Variants in EFHB observed in about 807,000 individuals in gnomAD.
EFHB encodes EF-hand domain-containing family member B.
A neutral mutation model predicts 87.2 loss-of-function variants in EFHB; 91 were observed. The ratio of observed to expected loss-of-function variants is 1.04; its 90% CI spans 0.88 to 1.24. The LOEUF (loss-of-function observed/expected upper bound fraction) is 1.24, where lower values mean the gene tolerates loss of function less well. EFHB is among the 50% of genes most tolerant of loss of function. The pLI, the probability that EFHB is intolerant of heterozygous loss-of-function variation, is 0.00. For synonymous variants in EFHB, 325 were observed against 333.6 expected, an observed-to-expected ratio of 0.97 and a Z score of 0.28; for missense variants, 1,084 against 998.8, an observed-to-expected ratio of 1.09 and a Z score of -1.15.
chr3:19,940,640 T>C (rs1696135241), intron 1 of EFHB: 2 of 399,116 alleles, frequency 5.0e-6, no homozygotes, highest in South Asian at 1.9e-5. Context: ...ACACATTTAA[T>C]GTCTTTCTTG....
chr3:19,946,375 A>G (rs1406299338), intron 1 of EFHB: 1 of 152,296 alleles, frequency 6.6e-6, no homozygotes, highest in Non-Finnish European at 1.5e-5. Flanking sequence ...ACAGACGATT[A>G]ACAAGTTAGT....
At chr3:19,926,932 T>C (rs1695652300) in intron 1 of EFHB, among the ~76,000 whole-genome samples, 1 of 152,146 alleles carries the variant, frequency 6.6e-6, no homozygotes, top group South Asian at 2.1e-4. Context: ...AGTGCTGGGA[T>C]TACAGGCATG....
intron 12 of EFHB, among the ~76,000 whole-genome samples, chr3:19,880,386 ATT>A (rs1474441138): frequency 5.9e-5 from 9 of 151,914 alleles, no homozygotes; most frequent in African/African-American, 2.2e-4. Flanking sequence ...AGTAGCTGGG[ATT>A]ACAGGTGTGT....
chr3:19,885,164 G>A (rs909498554), intron 10 of EFHB, among the ~76,000 whole-genome samples: 2 of 151,512 alleles, frequency 1.3e-5, no homozygotes, highest in Non-Finnish European at 2.9e-5. Context: ...AATGGTTGCA[G>A]TGAGCCGAGA....
At chr3:19,898,692 G>A (rs1694564439) in intron 8 of EFHB, 86 bp downstream of exon 8, 2 of 1,251,646 alleles carry the variant, frequency 1.6e-6, no homozygotes, top group Non-Finnish European at 1.2e-6. Context: ...TTGAAATAAG[G>A]AGATGGTGAG....
chr3:19,911,368 C>A lies in EFHB; in HGVS notation c.1288+3935G>T, dbSNP rs190857401. 4.6e-3 allele frequency among the ~76,000 whole-genome samples: 698 copies of A among 152,020 alleles called. 19 individuals are homozygous for A. The highest frequency in any genetic ancestry group is 0.039 in the Admixed American group (589 of 15,274). ...CTTAAGGCCAGGAGTTCAAGACCAG[C>A]CTGGCCAACATGGTGAAACCCCATC... On this transcript the variant is annotated intron_variant, in intron 5 of 12. Coordinates refer to ENST00000295824, the MANE Select transcript of EFHB (RefSeq NM_144715.4).
chr3:19,939,446 G>A (rs187285242), intron 1 of EFHB, among the ~76,000 whole-genome samples: 2,357 of 134,032 alleles, frequency 0.018, 39 homozygotes, highest in Non-Finnish European at 0.029. Flanking sequence ...GTGCAGTGGC[G>A]CGATCTTGGC....
chr3:19,938,948 C>T (rs771137477), upstream of EFHB, among the ~76,000 whole-genome samples: 1 of 152,086 alleles, frequency 6.6e-6, no homozygotes, highest in African/African-American at 2.4e-5. Flanking sequence ...ACTCTGTCAC[C>T]CAGGCTGCAG....
intron 1 of EFHB, among the ~76,000 whole-genome samples, chr3:19,923,372 T>C (rs1217032325): frequency 6.6e-6 from 1 of 152,196 alleles, no homozygotes; most frequent in Non-Finnish European, 1.5e-5. Context: ...TTGTTTTGTT[T>C]TTGAGACAGG....
At chr3:19,914,904 A>C (rs1370334705) in intron 5 of EFHB, among the ~76,000 whole-genome samples, 1 of 152,078 alleles carries the variant, frequency 6.6e-6, no homozygotes, top group Non-Finnish European at 1.5e-5. Context: ...AGCGTGGACA[A>C]CATAGGAAGA....
At chr3:19,927,070 C>G (rs950538491) in intron 1 of EFHB, among the ~76,000 whole-genome samples, 4 of 152,198 alleles carry the variant, frequency 2.6e-5, no homozygotes, top group African/African-American at 9.7e-5. Context: ...TTATCATGGA[C>G]ACTATAATTT....
intron 3 of EFHB, among the ~76,000 whole-genome samples, 158 bp downstream of exon 3, chr3:19,919,675 T>C (rs553869702): frequency 2.6e-5 from 4 of 152,304 alleles, no homozygotes; most frequent in South Asian, 4.1e-4. Flanking sequence ...TTTTTTTTAC[T>C]GCTCAAGATA....
chr3:19,924,215 T>C (rs1695537406), intron 1 of EFHB, among the ~76,000 whole-genome samples: 1 of 150,596 alleles, frequency 6.6e-6, no homozygotes, highest in Non-Finnish European at 1.5e-5. Context: ...TCTCTCTCTC[T>C]CTTTTTTTTT....
Position 19,879,639 on chromosome 3 carries a change from G to A in EFHB, c.2494C>T (p.Leu832Phe). The change falls in exon 13 of 13, where the codon CTC becomes TTC. Residue 832 changes from leucine (L) to phenylalanine (F), a missense_variant. Leu to Phe is a conservative substitution (Grantham distance 22). Coordinates refer to ENST00000295824, the MANE Select transcript of EFHB (RefSeq NM_144715.4). ...AATGAAGTCCAAAAATATCACATGA[G>A]TGTTTTACACTTGATCCGGTCTGCA... ...RHADRIKCKT[L>F]M is the part of the protein sequence containing the mutation. 2 of 1,566,528 alleles carry A rather than the reference G, an allele frequency of 1.3e-6. No homozygotes were observed. The highest frequency in any genetic ancestry group is 1.7e-6 in the Non-Finnish European group (2 of 1,159,522).
At chr3:19,935,738 G>A (rs554104437), upstream of EFHB, among the ~76,000 whole-genome samples, 22 of 151,580 alleles carry the variant, frequency 1.5e-4, no homozygotes, top group South Asian at 2.9e-3. Flanking sequence ...ATGGCCGGGC[G>A]CAGTGGCTCA....
At chr3:19,944,107 G>A (rs555777977) in intron 1 of EFHB, among the ~76,000 whole-genome samples, 31 of 152,242 alleles carry the variant, frequency 2.0e-4, no homozygotes, top group African/African-American at 6.3e-4. Flanking sequence ...TTGCTACTAC[G>A]CCAATGTTAG....
At chr3:19,909,034 GC>G (rs1172550207) in intron 5 of EFHB, among the ~76,000 whole-genome samples, 1 of 99,622 alleles carries the variant, frequency 1.0e-5, no homozygotes, top group Non-Finnish European at 1.9e-5. Context: ...ACCCACACCC[GC>G]CCCCCACCCC....
intron 5 of EFHB, among the ~76,000 whole-genome samples, chr3:19,910,106 C>T (rs1018135424): frequency 6.6e-6 from 1 of 151,926 alleles, no homozygotes; most frequent in Non-Finnish European, 1.5e-5. Context: ...TTGTCCTACA[C>T]CTTGGGTACC....
chr3:19,939,426 C>A (rs1452650464), intron 1 of EFHB, among the ~76,000 whole-genome samples: 1 of 129,028 alleles, frequency 7.8e-6, no homozygotes, highest in Non-Finnish European at 1.6e-5. Context: ...TCTGTCGCGC[C>A]CAGGCTGGAG....
Sources: allele counts gnomAD v4.1 joint callset (sites outside exome capture counted in the v4.1 genomes callset), GRCh38; gene constraint gnomAD v4.1.1; transcripts MANE v1.5; gene names NCBI Gene and HGNC (gene_info 2026-07-23, HGNC 2026-07-21).